The following GPR158 variants were observed in gnomAD, a reference collection of about 807,000 sequenced individuals.
GPR158 encodes the protein G protein-coupled receptor 158.
A neutral mutation model predicts 78.2 loss-of-function variants in GPR158; 30 were observed. The ratio of observed to expected loss-of-function variants is 0.38; its 90% CI spans 0.29 to 0.52. The LOEUF is 0.52. GPR158 is among the 20% of genes least tolerant of loss of function. The pLI, the probability that GPR158 is intolerant of heterozygous loss-of-function variation, is 0.83. For synonymous variants in GPR158, 581 were observed against 591.1 expected, an observed-to-expected ratio of 0.98 and a Z score of 0.25; for missense variants, 1,463 against 1,523.5, an observed-to-expected ratio of 0.96 and a Z score of 0.66.
intron 4 of GPR158, among the ~76,000 whole-genome samples, chr10:25,424,806 G>A (rs1834796902): frequency 6.6e-6 from 1 of 152,316 alleles, no homozygotes; most frequent in South Asian, 2.1e-4. Flanking sequence ...ATACTTTGAT[G>A]TCAGGTAGCA....
At chr10:25,182,138 C>T (rs1852618270) in intron 1 of GPR158, among the ~76,000 whole-genome samples, 1 of 152,140 alleles carries the variant, frequency 6.6e-6, no homozygotes, top group South Asian at 2.1e-4. Context: ...TGATCATTTA[C>T]TCACAGAATA....
chr10:25,322,311 G>T (rs1365198838), intron 2 of GPR158, among the ~76,000 whole-genome samples: 1 of 151,980 alleles, frequency 6.6e-6, no homozygotes, highest in Non-Finnish European at 1.5e-5. Context: ...AACCCGGGAG[G>T]CGGAGCTTGC....
chr10:25,316,103 A>C (rs938058813), intron 2 of GPR158, among the ~76,000 whole-genome samples: 3 of 152,158 alleles, frequency 2.0e-5, no homozygotes, highest in African/African-American at 7.2e-5. Flanking sequence ...GTGTGATGTC[A>C]GTCTAATTCT....
At chr10:25,415,230 AAC>A (rs1474593634) in intron 4 of GPR158, among the ~76,000 whole-genome samples, 1 of 152,102 alleles carries the variant, frequency 6.6e-6, no homozygotes, top group Non-Finnish European at 1.5e-5. Context: ...GTAAAAAGAA[AAC>A]ACACAGAATG....
intron 1 of GPR158, among the ~76,000 whole-genome samples, chr10:25,179,632 G>A (rs1852589280): frequency 6.6e-6 from 1 of 152,026 alleles, no homozygotes; most frequent in Non-Finnish European, 1.5e-5. Flanking sequence ...GTTTCAGAAT[G>A]ACACAAGTAT....
chr10:25,217,976 G>GGTTGA (rs1330336326), intron 1 of GPR158, among the ~76,000 whole-genome samples: 4 of 152,054 alleles, frequency 2.6e-5, no homozygotes, highest in African/African-American at 9.7e-5. Flanking sequence ...CAACCCCTGA[G>GGTTGA]ATGCCCACTC....
Position 25,586,390 on chromosome 10 carries a change from A to ATTTT in GPR158, c.1754-2617_1754-2616insTTTT, listed in dbSNP as rs1564498202. Among the ~76,000 whole-genome samples, 3 of 130,942 alleles carry ATTTT rather than the reference A, an allele frequency of 2.3e-5. 1 individual carries two copies. Among genetic ancestry groups the ATTTT allele is most frequent in the Non-Finnish European group, 3.2e-5 (2 of 61,846 alleles). The allele number at this position is 130,942 out of a possible 152,430, so 85.9% of individuals were successfully genotyped here. On this transcript the variant is annotated intron_variant, in intron 7 of 10. Transcript: ENST00000376351. ...CCAGGGTTGTAAGTAGGTATGTGTG[A>ATTTT]ATTTTTTTTTTTTTTTTTTTTTTTT...
intron 2 of GPR158, among the ~76,000 whole-genome samples, chr10:25,370,357 GGTATGTTGT>G (rs1395916974): frequency 7.2e-6 from 1 of 139,662 alleles, no homozygotes; most frequent in African/African-American, 2.8e-5. Flanking sequence ...CAGAGATCCT[GGTATGTTGT>G]GTCTTTGTTC....
chr10:25,507,035 G>A (rs998715584), intron 5 of GPR158, among the ~76,000 whole-genome samples: 1 of 152,162 alleles, frequency 6.6e-6, no homozygotes, highest in African/African-American at 2.4e-5. Flanking sequence ...GTTTGCTTCG[G>A]GTTCATGACA....
intron 2 of GPR158, among the ~76,000 whole-genome samples, chr10:25,286,432 T>A (rs887486303): frequency 1.3e-5 from 2 of 152,176 alleles, no homozygotes; most frequent in African/African-American, 4.8e-5. Context: ...TGCATTAGAT[T>A]TTTTTCTTAT....
chr10:25,426,162 T>C (rs1203116101), intron 4 of GPR158, among the ~76,000 whole-genome samples: 1 of 152,132 alleles, frequency 6.6e-6, no homozygotes, highest in Non-Finnish European at 1.5e-5. Flanking sequence ...TCTCTCAGCC[T>C]TCATCGAATT....
chr10:25,372,073 A>C (rs1834002289), intron 2 of GPR158, among the ~76,000 whole-genome samples: 1 of 135,654 alleles, frequency 7.4e-6, no homozygotes, highest in Non-Finnish European at 1.6e-5. Flanking sequence ...TCTCAAAAGA[A>C]GACATTTATG....
At chr10:25,218,359 A>G (rs1853249016) in intron 1 of GPR158, among the ~76,000 whole-genome samples, 1 of 152,198 alleles carries the variant, frequency 6.6e-6, no homozygotes, top group Non-Finnish European at 1.5e-5. Context: ...CTTGGAATGA[A>G]GGGCGAAAGC....
chr10:25,457,121 TGCCA>T (rs201200674), intron 4 of GPR158, among the ~76,000 whole-genome samples: 8,696 of 138,270 alleles, frequency 0.063, 853 homozygotes, highest in African/African-American at 0.23. Flanking sequence ...TACAGGTGCC[TGCCA>T]GCCACCATGC....
intron 2 of GPR158, among the ~76,000 whole-genome samples, chr10:25,356,329 G>A (rs1335478334): frequency 1.3e-5 from 2 of 152,038 alleles, no homozygotes; most frequent in African/African-American, 2.4e-5. Context: ...TTGTTGGGGG[G>A]CATTGGGGAG....
chr10:25,212,190 C>T (rs117363566), intron 1 of GPR158, among the ~76,000 whole-genome samples: 1,652 of 152,174 alleles, frequency 0.011, 17 homozygotes, highest in Middle Eastern at 0.037. Context: ...TAATTTATAA[C>T]GAAAAGAGGT....
chr10:25,491,926 C>T (rs1382094952), intron 5 of GPR158, among the ~76,000 whole-genome samples: 1 of 152,080 alleles, frequency 6.6e-6, no homozygotes, highest in Non-Finnish European at 1.5e-5. Context: ...ACATCCTTGT[C>T]TTGGTCTGTT....
chr10:25,537,035 C>T (rs946443668), intron 5 of GPR158, among the ~76,000 whole-genome samples: 9 of 152,200 alleles, frequency 5.9e-5, no homozygotes, highest in African/African-American at 2.2e-4. Flanking sequence ...CACTTCCAGG[C>T]TAAACTCCAC....
At chr10:25,524,277 A>C (rs183428293) in intron 5 of GPR158, among the ~76,000 whole-genome samples, 40 of 152,302 alleles carry the variant, frequency 2.6e-4, no homozygotes, top group African/African-American at 9.4e-4. Flanking sequence ...TTTTGTTAAA[A>C]TTTCCAAGCT....
Sources: allele counts gnomAD v4.1 joint callset (sites outside exome capture counted in the v4.1 genomes callset), GRCh38; gene constraint gnomAD v4.1.1; transcripts MANE v1.5; gene names NCBI Gene and HGNC (gene_info 2026-07-23, HGNC 2026-07-21).